Variants in MPND observed in about 807,000 individuals in gnomAD.
MPND encodes MPN domain-containing protein.
MPND carries 56 observed loss-of-function variants against 59.2 expected under a neutral mutation model. The ratio of observed to expected loss-of-function variants is 0.95; its 90% CI spans 0.76 to 1.18. The LOEUF is 1.18. MPND is among the 50% of genes most tolerant of loss of function. The pLI, the probability that MPND is intolerant of heterozygous loss-of-function variation, is 0.00. For missense variants in MPND, 671 were observed against 676.0 expected (o/e 0.99, Z 0.08); for synonymous variants, 323 against 291.9 (o/e 1.11, Z -1.09).
chr19:4,343,723 C>T lies in MPND; in HGVS notation c.23C>T (p.Ser8Phe), dbSNP rs936571866. 4 of 1,204,408 alleles carry T rather than the reference C, an allele frequency of 3.3e-6. No individual in the cohort carries two copies. Among genetic ancestry groups the T allele is most frequent in the Non-Finnish European group, 4.1e-6 (4 of 970,474 alleles). The allele number at this position is 1,204,408 out of a possible 1,614,324, so 74.6% of individuals were successfully genotyped here. ...CTGTCCGCAGCTCCGGAGCCGCTGT[C>T]CCCGGCGGGCGGTGCGGGCGAGGAG... MAAPEPL[S>F]PAGGAGEEAP... The change falls in exon 2 of 13, where the codon TCC (serine) becomes TTC (phenylalanine). Residue 8 changes from serine (S) to phenylalanine (F), a missense_variant. Coordinates refer to ENST00000599840, the MANE Select transcript of MPND (RefSeq NM_001300862.2).
chr19:4,345,728 G>A lies in MPND; in HGVS notation c.295-17G>A, dbSNP rs369566363. On this transcript the variant is annotated splice_polypyrimidine_tract_variant and intron_variant, in intron 2 of 12. Coordinates refer to ENST00000599840, the MANE Select transcript of MPND (RefSeq NM_001300862.2). ...TGGGTGTTGGTCCTGGGCCCAGCCA[G>A]CTGACTGTCACTGCAGGGGAAGAAG... The A allele has an allele frequency of 2.5e-6, 4 of 1,612,950 alleles. No homozygotes were observed. The highest frequency in any genetic ancestry group is 3.4e-6 in the Non-Finnish European group (4 of 1,179,292).
rs371393082 is a variant in MPND at position 4,359,216 on chromosome 19, A to T, written c.1380A>T (p.Glu460Asp). The T allele has an allele frequency of 4.6e-5, 74 of 1,611,684 alleles. No individual in the cohort carries two copies. Among genetic ancestry groups the T allele is most frequent in the South Asian group, 3.3e-5 (3 of 91,020 alleles). Residue 460 changes from glutamate (E) to aspartate (D), a missense_variant, in exon 12 of 13, where the codon GAA becomes GAT. Glu to Asp is a conservative substitution (Grantham distance 45, BLOSUM62 2). Coordinates refer to ENST00000599840, the MANE Select transcript of MPND (RefSeq NM_001300862.2). Reference sequence around the variant, plus strand: ...CCCCTGACCTCGTGAGGCTCCAGGAACCCTGGAGCCAGGAGCACACCTACC... The same window carrying T: ...CCCCTGACCTCGTGAGGCTCCAGGATCCCTGGAGCCAGGAGCACACCTACC... ...KGSPDLVRLQ[E>D]PWSQEHTYLD...
At chr19:4,354,842 C>A in intron 6 of MPND, 107 bp from the exon 7 acceptor site, 1 of 1,191,550 alleles carries the variant, frequency 8.4e-7, no homozygotes, top group Non-Finnish European at 1.2e-6. Context: ...CCAGCCTGGG[C>A]GACAGAGCAA....
intron 12 of MPND, among the ~76,000 whole-genome samples, chr19:4,359,653 C>G (rs1770086968): frequency 6.6e-6 from 1 of 152,172 alleles, no homozygotes; most frequent in Admixed American, 6.5e-5. Flanking sequence ...TGGAACCAGG[C>G]AGGGAGGGGC....
At chr19:4,354,629 A>C (rs1410644796) in intron 6 of MPND, 3 of 600,890 alleles carry the variant, frequency 5.0e-6, no homozygotes, top group Admixed American at 6.0e-5. Context: ...CACTTTGGGA[A>C]GCTGAGGCAG....
chr19:4,343,685 C>T (rs980653516), intron 1 of MPND, 23 bp from the exon 2 acceptor site: 2 of 1,102,642 alleles, frequency 1.8e-6, no homozygotes, highest in African/African-American at 1.7e-5. Context: ...AGCGGCCTCC[C>T]TGCAGCCTCT....
At position 4,343,673 on chromosome 19, in the gene MPND, C is replaced by T. The variant is rs1972118927; in HGVS notation, c.8-35C>T. 2.5e-6 allele frequency: 3 copies of T among 1,199,120 alleles called. No homozygotes were observed. The South Asian group carries it at 1.2e-4, about 50-fold the overall frequency. The allele number at this position is 1,199,120 out of a possible 1,614,324, so 74.3% of individuals were successfully genotyped here. On this transcript the variant is annotated intron_variant, in intron 1 of 12. Transcript: ENST00000599840. The stretch of plus-strand genomic sequence containing the variant: ...GGCGCGGGGCTGCAGAGCCGTGGGG[C>T]GAGCGGCCTCCCTGCAGCCTCTCGC...
chr19:4,353,027 C>T lies in MPND; in HGVS notation c.662C>T (p.Pro221Leu), dbSNP rs199989643. Residue 221 changes from proline (P) to leucine (L), a missense_variant and splice_region_variant, in exon 4 of 13, where the codon CCG (proline) becomes CTG (leucine). Pro to Leu is a moderately conservative substitution (Grantham distance 98). Coordinates refer to ENST00000599840, the MANE Select transcript of MPND (RefSeq NM_001300862.2). Reference protein sequence around the residue: ...LGKSPSEPAHPEATTPGKRVD... With the variant: ...LGKSPSEPAHLEATTPGKRVD... ...AAGAGCCCTTCAGAGCCTGCCCACCCGGGTGAGAGGCGTGGGGAGGGGAGG... is the reference window on the plus strand; with the variant it reads ...AAGAGCCCTTCAGAGCCTGCCCACCTGGGTGAGAGGCGTGGGGAGGGGAGG... The T allele has an allele frequency of 2.2e-4, 289 of 1,339,916 alleles. 2 individuals carry two copies. The African/African-American group carries it at 2.7e-3, about 13-fold the overall frequency. The allele number at this position is 1,339,916 out of a possible 1,614,324, so 83.0% of individuals were successfully genotyped here. A position where few individuals can be genotyped will look rare whatever the true frequency, so the allele number is the denominator to read the frequency against.
chr19:4,355,146 A>C lies in MPND; in HGVS notation c.969A>C (p.Ala323=), dbSNP rs961003552. 1 of 1,613,252 alleles carries C rather than the reference A, an allele frequency of 6.2e-7. No individual in the cohort carries two copies. Among genetic ancestry groups the C allele is most frequent in the Non-Finnish European group, 8.5e-7 (1 of 1,179,994 alleles). ...AFPCRSRLGD[A]ETAAAIEEEI... ...CTTGTCGGAGCCGGCTCGGGGACGC[A>C]GAGACTGCAGCTGCCATCGAAGAGG... is the stretch of plus-strand genomic sequence containing the variant. Residue 323 remains alanine, a synonymous_variant, in exon 8 of 13, where the codon GCA becomes GCC. Transcript: ENST00000599840.
intron 8 of MPND, chr19:4,356,603 A>G (rs1972442922): frequency 2.0e-5 from 3 of 151,810 alleles, no homozygotes; most frequent in Non-Finnish European, 2.9e-5. Context: ...GGCCTCATCT[A>G]TTAAACACTA....
At chr19:4,345,518 T>C (rs2144813324) in intron 2 of MPND, among the ~76,000 whole-genome samples, 1 of 152,292 alleles carries the variant, frequency 6.6e-6, no homozygotes, top group South Asian at 2.1e-4. Flanking sequence ...GGTTTCTTGG[T>C]CATGGTGGGC....
chr19:4,354,907 C>T, intron 6 of MPND, 42 bp from the exon 7 acceptor site: 1 of 1,539,446 alleles, frequency 6.5e-7, no homozygotes, highest in South Asian at 1.2e-5. Flanking sequence ...TGGGGCAGGG[C>T]CACAGCCTGA....
intron 3 of MPND, among the ~76,000 whole-genome samples, 163 bp downstream of exon 3, chr19:4,346,144 G>A (rs1022420612): frequency 2.0e-5 from 3 of 152,340 alleles, no homozygotes; most frequent in South Asian, 2.1e-4. Flanking sequence ...GGGCTGGGGC[G>A]GAGAGAGGGG....
At chr19:4,346,310 G>A (rs999752290) in intron 3 of MPND, among the ~76,000 whole-genome samples, 12 of 152,194 alleles carry the variant, frequency 7.9e-5, no homozygotes, top group Non-Finnish European at 1.5e-4. Flanking sequence ...TGGAAATGAT[G>A]GCAGGGACCA....
At chr19:4,350,730 C>T (rs375759802) in intron 3 of MPND, among the ~76,000 whole-genome samples, 4 of 152,198 alleles carry the variant, frequency 2.6e-5, no homozygotes, top group African/African-American at 7.2e-5. Flanking sequence ...CTGTGAGTCC[C>T]CCACATGGAG....
intron 3 of MPND, among the ~76,000 whole-genome samples, chr19:4,350,699 A>G (rs1357248364): frequency 6.6e-6 from 1 of 152,200 alleles, no homozygotes; most frequent in East Asian, 1.9e-4. Flanking sequence ...GGGGCCCAGC[A>G]TGGCTGTGTT....
Position 4,343,782 on chromosome 19 carries a change from G to A in MPND, c.82G>A (p.Glu28Lys). 1.7e-6 allele frequency: 2 copies of A among 1,209,076 alleles called. No homozygotes were observed. The highest frequency in any genetic ancestry group is 3.5e-5 in the East Asian group (1 of 28,984). 74.9% of individuals were successfully genotyped at this position (1,209,076 alleles called of 1,614,324 possible). A position where few individuals can be genotyped will look rare whatever the true frequency, so the allele number is the denominator to read the frequency against. Residue 28 changes from glutamate to lysine, a missense_variant, in exon 2 of 13, where the codon GAG becomes AAG. Glu to Lys is a moderately conservative substitution (Grantham distance 56). Coordinates refer to ENST00000599840, the MANE Select transcript of MPND (RefSeq NM_001300862.2). The stretch of plus-strand genomic sequence containing the variant: ...GGAGGACGAGGACGAAGCGGAGGCC[G>A]AGGACCCTGAGCGGCCGAATGCGGG... The part of the protein sequence containing the change: ...PEEDEDEAEA[E>K]DPERPNAGAG...
Position 4,343,712 on chromosome 19 carries a change from G to A in MPND, c.12G>A (p.Pro4=), listed in dbSNP as rs1372905560. Residue 4 remains proline, a synonymous_variant, in exon 2 of 13, where the codon CCG becomes CCA. Coordinates refer to ENST00000599840, the MANE Select transcript of MPND (RefSeq NM_001300862.2). Reference sequence around the variant, plus strand: ...GCAGCCTCTCGCTGTCCGCAGCTCCGGAGCCGCTGTCCCCGGCGGGCGGTG... The same window carrying A: ...GCAGCCTCTCGCTGTCCGCAGCTCCAGAGCCGCTGTCCCCGGCGGGCGGTG... MAA[P]EPLSPAGGAG... 7 of 1,201,728 alleles carry A rather than the reference G, an allele frequency of 5.8e-6. No individual in the cohort carries two copies. Among genetic ancestry groups the A allele is most frequent in the African/African-American group, 1.6e-5 (1 of 62,952 alleles). The allele number at this position is 1,201,728 out of a possible 1,614,324, so 74.4% of individuals were successfully genotyped here.
At position 4,343,764 on chromosome 19, in the gene MPND, G is replaced by A; in HGVS notation, c.64G>A (p.Glu22Lys). 8.3e-7 allele frequency: 1 copy of A among 1,209,562 alleles called. No individual in the cohort carries two copies. Among genetic ancestry groups the A allele is most frequent in the Non-Finnish European group, 1.0e-6 (1 of 972,804 alleles). The allele number at this position is 1,209,562 out of a possible 1,614,324, so 74.9% of individuals were successfully genotyped here. The stretch of plus-strand genomic sequence containing the variant: ...GGGCGAGGAGGCGCCGGAGGAGGAC[G>A]AGGACGAAGCGGAGGCCGAGGACCC... ...GAGEEAPEED[E>K]DEAEAEDPER... The change falls in exon 2 of 13, where the codon GAG becomes AAG. Residue 22 changes from glutamate (E) to lysine (K), a missense_variant. Transcript: ENST00000599840.
Sources: allele counts gnomAD v4.1 joint callset (sites outside exome capture counted in the v4.1 genomes callset), GRCh38; gene constraint gnomAD v4.1.1; transcripts MANE v1.5; gene names NCBI Gene and HGNC (gene_info 2026-07-23, HGNC 2026-07-21).